Variants in CHRNA2 observed in about 807,000 individuals in gnomAD.
CHRNA2 encodes the protein neuronal acetylcholine receptor subunit alpha-2.
Under a neutral mutation model 45.5 loss-of-function variants are expected in CHRNA2, and 40 were observed. The observed-to-expected ratio is 0.88, with a 90% CI of 0.68 to 1.15. CHRNA2 has a LOEUF of 1.15. Ranked by LOEUF, CHRNA2 falls within the 50% of genes most tolerant of loss-of-function variation. CHRNA2 has a pLI of 0.00. For synonymous variants in CHRNA2, 301 were observed against 296.7 expected, an observed-to-expected ratio of 1.01 and a Z score of -0.15; for missense variants, 655 against 701.7, an observed-to-expected ratio of 0.93 and a Z score of 0.75.
At chr8:27,470,629 C>T (rs545956595) in intron 2 of CHRNA2, among the ~76,000 whole-genome samples, 6 of 152,364 alleles carry the variant, frequency 3.9e-5, no homozygotes, top group South Asian at 2.1e-4. Flanking sequence ...CCCAGAAAAA[C>T]GTGTCAGCAC....
chr8:27,468,108 A>T (rs1283860806), intron 4 of CHRNA2, among the ~76,000 whole-genome samples: 1 of 152,234 alleles, frequency 6.6e-6, no homozygotes, highest in Non-Finnish European at 1.5e-5. Flanking sequence ...TTTGCAAATG[A>T]GGAAACTGAG....
At chr8:27,464,098 C>T (rs1349028128) in intron 5 of CHRNA2, 105 bp from the exon 6 acceptor site, 2 of 1,317,470 alleles carry the variant, frequency 1.5e-6, no homozygotes. Flanking sequence ...AAGTCAGACC[C>T]GGCCACACTG....
chr8:27,467,988 G>T (rs1052562614), intron 4 of CHRNA2, among the ~76,000 whole-genome samples: 1 of 152,136 alleles, frequency 6.6e-6, no homozygotes, highest in Non-Finnish European at 1.5e-5. Flanking sequence ...TATTATCTCC[G>T]TAGTCCATCT....
intron 6 of CHRNA2, among the ~76,000 whole-genome samples, chr8:27,462,283 A>G (rs1048910477): frequency 7.9e-5 from 12 of 152,086 alleles, no homozygotes; most frequent in African/African-American, 2.9e-4. Flanking sequence ...CTGCTCCTGG[A>G]TGACATCATG....
At position 27,463,727 on chromosome 8, in the gene CHRNA2, G is replaced by A. The variant is rs756924174; in HGVS notation, c.716C>T (p.Thr239Ile). 1 of 1,614,006 alleles carries A rather than the reference G, an allele frequency of 6.2e-7. No individual in the cohort carries two copies. Among genetic ancestry groups the A allele is most frequent in the Non-Finnish European group, 8.5e-7 (1 of 1,179,990 alleles). ...GEWAIVNATG[T>I]YNSKKYDCCA... is the part of the protein sequence containing the mutation. ...GCAGTCGTACTTCTTGCTGTTGTAG[G>A]TGCCCGTGGCATTGACGATGGCCCA... The change falls in exon 6 of 7, where the codon ACC becomes ATC. Residue 239 changes from threonine to isoleucine, a missense_variant. Transcript: ENST00000407991. This position sits in a 1 kb window ranked among gnomAD's most constrained non-coding sequence, Gnocchi z 6.1.
In CHRNA2 at chr8:27,463,954, G is replaced by A. The variant is rs535699325; in HGVS notation, c.489C>T (p.Ala163=). 1,375 of 1,614,172 alleles carry A rather than the reference G, an allele frequency of 8.5e-4. 14 individuals are homozygous for A. In the South Asian group the frequency reaches 0.014, roughly 17 times the overall value. Residue 163 remains alanine, a synonymous_variant, in exon 6 of 7, where the codon GCC becomes GCT. Coordinates refer to ENST00000407991, the MANE Select transcript of CHRNA2 (RefSeq NM_000742.4). This position sits in a 1 kb window ranked among gnomAD's most constrained non-coding sequence, Gnocchi z 6.1. ...GEFAVTHMTK[A]HLFSTGTVHW... Reference sequence around the variant, plus strand: ...GCACAGTGCCCGTGGAGAAGAGGTGGGCCTTGGTCATGTGGGTCACTGCAA... The same window carrying A: ...GCACAGTGCCCGTGGAGAAGAGGTGAGCCTTGGTCATGTGGGTCACTGCAA...
In CHRNA2 at chr8:27,463,891, G is replaced by A. The variant is rs2132654294; in HGVS notation, c.552C>T (p.Ser184=). ...VPPAIYKSSC[S]IDVTFFPFDQ... ...CGAAGGGGAAGAAGGTGACGTCGAT[G>A]CTGCAGGAGCTCTTGTAGATGGCCG... The change falls in exon 6 of 7, where the codon AGC becomes AGT. Residue 184 remains serine (S), a synonymous_variant. Coordinates refer to ENST00000407991, the MANE Select transcript of CHRNA2 (RefSeq NM_000742.4). This position sits in a 1 kb window ranked among gnomAD's most constrained non-coding sequence, Gnocchi z 6.1. 1 of 1,614,236 alleles carries A rather than the reference G, an allele frequency of 6.2e-7. No individual in the cohort carries two copies. Among genetic ancestry groups the A allele is most frequent in the Non-Finnish European group, 8.5e-7 (1 of 1,180,048 alleles).
intron 5 of CHRNA2, among the ~76,000 whole-genome samples, chr8:27,465,441 AT>A (rs560817859): frequency 2.0e-4 from 31 of 151,252 alleles, no homozygotes; most frequent in Middle Eastern, 3.4e-3. Flanking sequence ...GTTAAAAAAA[AT>A]TTTTTTTTGA....
chr8:27,469,832 G>T lies in CHRNA2; in HGVS notation c.223C>A (p.Arg75Ser). 3 of 1,614,172 alleles carry T rather than the reference G, an allele frequency of 1.9e-6. No individual in the cohort carries two copies. The highest frequency in any genetic ancestry group is 2.5e-6 in the Non-Finnish European group (3 of 1,180,038). Residue 75 changes from arginine (R) to serine (S), a missense_variant, in exon 3 of 7, where the codon CGC becomes AGC. Arg to Ser is a moderately radical substitution (Grantham distance 110, BLOSUM62 -1). This residue lies in a region of CHRNA2 where 323 missense variants were observed against 354.4 expected (regional missense o/e 0.91). Coordinates refer to ENST00000407991, the MANE Select transcript of CHRNA2 (RefSeq NM_000742.4). ...HLFRGYNRWARPVPNTSDVVI... is the reference protein window; with the variant it reads ...HLFRGYNRWASPVPNTSDVVI... The stretch of plus-strand genomic sequence containing the variant: ...ACGTCTGAAGTGTTGGGCACCGGGC[G>T]CGCCCAGCGGTTGTAGCCCCGGAAG...
At position 27,463,152 on chromosome 8, in the gene CHRNA2, G is replaced by GT. The variant is rs1321829061; in HGVS notation, c.1290_1291insA (p.Pro431ThrfsTer22). Reference sequence around the variant, plus strand: ...TGGCTGCAGAGGGTGCCCACAGAGGGGGCCACATGACCTGCACATGCCCAT... The same window carrying GT: ...TGGCTGCAGAGGGTGCCCACAGAGGGTGGCCACATGACCTGCACATGCCCAT... On this transcript the variant is annotated frameshift_variant, in exon 6 of 7. Transcript: ENST00000407991. LOFTEE classifies it high-confidence loss of function. This position sits in a 1 kb window ranked among gnomAD's most constrained non-coding sequence, Gnocchi z 6.1. 2 of 1,602,260 alleles carry GT rather than the reference G, an allele frequency of 1.2e-6. No homozygotes were observed. The highest frequency in any genetic ancestry group is 1.7e-6 in the Non-Finnish European group (2 of 1,170,908).
chr8:27,464,546 G>A (rs1477729377), intron 5 of CHRNA2, among the ~76,000 whole-genome samples: 4 of 152,136 alleles, frequency 2.6e-5, no homozygotes, highest in Admixed American at 2.6e-4. Context: ...GGGTGGGTGT[G>A]GCCAGGTGCT....
chr8:27,478,133 C>G (rs1813117511), intron 1 of CHRNA2, among the ~76,000 whole-genome samples: 2 of 152,250 alleles, frequency 1.3e-5, no homozygotes, highest in African/African-American at 4.8e-5. Flanking sequence ...CTGTCCAGAA[C>G]CTCCCCAAGC....
intron 5 of CHRNA2, among the ~76,000 whole-genome samples, chr8:27,465,371 G>C (rs374229356): frequency 2.0e-5 from 3 of 152,290 alleles, no homozygotes; most frequent in East Asian, 3.9e-4. Context: ...CCATGGTAGA[G>C]ATATGGGCAG....
In CHRNA2 at chr8:27,467,309, G is replaced by A; in HGVS notation, c.369C>T (p.Asn123=). The A allele has an allele frequency of 6.2e-7, 1 of 1,613,888 alleles. No homozygotes were observed. Among genetic ancestry groups the A allele is most frequent in the South Asian group, 1.1e-5 (1 of 91,078 alleles). ...ATGTGATGTTGCCAAAATCAGTGGGGTTCCAGCGCAGTTTGTAGTCGCTCC... is the reference window on the plus strand; with the variant it reads ...ATGTGATGTTGCCAAAATCAGTGGGATTCCAGCGCAGTTTGTAGTCGCTCC... ...QEWSDYKLRW[N]PTDFGNITSL... is the part of the protein sequence containing the mutation. The change falls in exon 5 of 7, where the codon AAC becomes AAT. Residue 123 remains asparagine, a synonymous_variant. Coordinates refer to ENST00000407991, the MANE Select transcript of CHRNA2 (RefSeq NM_000742.4).
intron 5 of CHRNA2, among the ~76,000 whole-genome samples, chr8:27,466,460 G>A (rs1164705914): frequency 6.6e-6 from 1 of 152,160 alleles, no homozygotes; most frequent in African/African-American, 2.4e-5. Context: ...GGTGGGTGTT[G>A]TGACATACAA....
chr8:27,470,782 A>G (rs975204358), intron 2 of CHRNA2, among the ~76,000 whole-genome samples: 3 of 152,224 alleles, frequency 2.0e-5, no homozygotes, highest in Non-Finnish European at 2.9e-5. Context: ...AAGCTTGGGG[A>G]CATTTAAGGT....
At chr8:27,465,206 TCAGCCCCTGATTCCA>T (rs532767599) in intron 5 of CHRNA2, among the ~76,000 whole-genome samples, 1 of 151,928 alleles carries the variant, frequency 6.6e-6, no homozygotes, top group Non-Finnish European at 1.5e-5. Context: ...CCTGGAAGCC[TCAGCCCCTGATTCCA>T]CCAGGAGGTG....
Position 27,463,959 on chromosome 8 carries a change from T to C in CHRNA2, c.484A>G (p.Lys162Glu). The change falls in exon 6 of 7, where the codon AAG (lysine) becomes GAG (glutamate). Residue 162 changes from lysine (K) to glutamate (E), a missense_variant. Lys to Glu is a moderately conservative substitution (Grantham distance 56). Coordinates refer to ENST00000407991, the MANE Select transcript of CHRNA2 (RefSeq NM_000742.4). The surrounding 1 kb of genome is among the most constrained non-coding windows in gnomAD (Gnocchi z 6.1). ...GTGCCCGTGGAGAAGAGGTGGGCCTTGGTCATGTGGGTCACTGCAAACTCC... is the reference window on the plus strand; with the variant it reads ...GTGCCCGTGGAGAAGAGGTGGGCCTCGGTCATGTGGGTCACTGCAAACTCC... ...DGEFAVTHMT[K>E]AHLFSTGTVH... The C allele has an allele frequency of 6.2e-7, 1 of 1,614,136 alleles. No homozygotes were observed. The highest frequency in any genetic ancestry group is 8.5e-7 in the Non-Finnish European group (1 of 1,180,022).
intron 6 of CHRNA2, among the ~76,000 whole-genome samples, chr8:27,462,349 A>G (rs980023906): frequency 6.6e-6 from 1 of 152,110 alleles, no homozygotes; most frequent in African/African-American, 2.4e-5. Context: ...CCGGCCTTTC[A>G]TCCTTCCCTA....
Sources: gnomAD v4.1 joint callset for allele counts (sites outside exome capture counted in the v4.1 genomes callset) on GRCh38, gnomAD v4.1.1 for gene constraint, gnomAD v4.1.1 regional missense constraint, Gnocchi (gnomAD v3.1) non-coding constraint, MANE v1.5 for transcripts, NCBI Gene and HGNC (gene_info 2026-07-23, HGNC 2026-07-21) for gene names.